Variants in TBXAS1 observed in about 807,000 individuals in gnomAD.
TBXAS1 encodes the protein thromboxane A synthase 1.
TBXAS1 carries 48 observed loss-of-function variants against 60.7 expected under a neutral mutation model. The observed-to-expected ratio is 0.79, with a 90% CI of 0.63 to 1.01. The LOEUF is 1.01. TBXAS1 is among the 50% of genes least tolerant of loss of function. The pLI, the probability that TBXAS1 is intolerant of heterozygous loss-of-function variation, is 0.00. For synonymous variants in TBXAS1, 287 were observed against 269.7 expected (o/e 1.06, Z -0.63); for missense variants, 685 against 686.3 (o/e 1.00, Z 0.02).
At chr7:139,961,546 T>C (rs1050416882) in intron 8 of TBXAS1, among the ~76,000 whole-genome samples, 3 of 152,202 alleles carry the variant, frequency 2.0e-5, no homozygotes, top group Non-Finnish European at 2.9e-5. Context: ...TGATGATATA[T>C]TTAGTACATT....
intron 5 of TBXAS1, among the ~76,000 whole-genome samples, 184 bp downstream of exon 5, chr7:139,936,491 G>A (rs535186280): frequency 2.6e-4 from 40 of 152,246 alleles, no homozygotes; most frequent in South Asian, 8.3e-4. Flanking sequence ...AGCGTCTTTC[G>A]TCTCTCCAGC....
intron 9 of TBXAS1, among the ~76,000 whole-genome samples, chr7:139,969,457 CAAAAAAAAAAAAA>C (rs71170928): frequency 4.0e-5 from 4 of 101,038 alleles, no homozygotes; most frequent in East Asian, 2.8e-4. Context: ...TATGTGCTTA[CAAAAAAAAAAAAA>C]AAAAAAAAAA....
At chr7:139,861,540 C>T (rs1377624150) in intron 1 of TBXAS1, among the ~76,000 whole-genome samples, 1 of 151,846 alleles carries the variant, frequency 6.6e-6, no homozygotes, top group African/African-American at 2.4e-5. Flanking sequence ...CAGGAGCGAG[C>T]CACTGTGCCT....
chr7:139,778,443 C>T lies in TBXAS1; in HGVS notation c.-346C>T, dbSNP rs1292311398. 1 of 153,184 alleles carries T rather than the reference C, an allele frequency of 6.5e-6. No individual in the cohort carries two copies. Among genetic ancestry groups the T allele is most frequent in the Non-Finnish European group, 1.5e-5 (1 of 68,232 alleles). 9.5% of individuals were successfully genotyped at this position (153,184 alleles called of 1,614,324 possible). ...CCCCACGCTGGCAAAGTGGCTCGCCCATCTCACAGCCGGTTGGCGCTCGCG... is the reference window on the plus strand; with the variant it reads ...CCCCACGCTGGCAAAGTGGCTCGCCTATCTCACAGCCGGTTGGCGCTCGCG... On this transcript the variant is annotated 5_prime_UTR_variant, in exon 1 of 17. Coordinates refer to the TBXAS1 transcript ENST00000336425. The surrounding 1 kb of genome is among the most constrained non-coding windows in gnomAD (Gnocchi z 4.8).
chr7:139,783,422 G>A (rs1173893492), intron 3 of TBXAS1, among the ~76,000 whole-genome samples: 1 of 152,034 alleles, frequency 6.6e-6, no homozygotes, highest in Non-Finnish European at 1.5e-5. Flanking sequence ...AAGGTAGGGC[G>A]ATTTTGTTGG....
chr7:139,878,718 A>C (rs1347596627), intron 3 of TBXAS1, among the ~76,000 whole-genome samples: 2 of 152,270 alleles, frequency 1.3e-5, no homozygotes, highest in Admixed American at 1.3e-4. Context: ...CTCAATGAAC[A>C]GCAAAGACCC....
At chr7:139,898,308 A>T (rs1804266982) in intron 3 of TBXAS1, among the ~76,000 whole-genome samples, 2 of 151,780 alleles carry the variant, frequency 1.3e-5, no homozygotes, top group Admixed American at 1.3e-4. Context: ...TAAAACTGTC[A>T]CGGAGACAAG....
At chr7:139,965,724 G>C (rs986679132) in intron 9 of TBXAS1, among the ~76,000 whole-genome samples, 1 of 152,082 alleles carries the variant, frequency 6.6e-6, no homozygotes, top group Non-Finnish European at 1.5e-5. Flanking sequence ...GGTTGTGGGG[G>C]GGAGTCTCTG....
intron 3 of TBXAS1, among the ~76,000 whole-genome samples, chr7:139,876,741 C>T (rs1584743940): frequency 6.6e-6 from 1 of 152,170 alleles, no homozygotes; most frequent in African/African-American, 2.4e-5. Context: ...TGTTAAGATG[C>T]TCTCTGTATT....
intron 9 of TBXAS1, among the ~76,000 whole-genome samples, chr7:139,979,590 G>A (rs574861279): frequency 2.0e-5 from 3 of 152,072 alleles, no homozygotes; most frequent in Non-Finnish European, 2.9e-5. Flanking sequence ...GCCAGGCTTG[G>A]TGGCGTGAGC....
chr7:139,789,200 T>A (rs184973907), intron 4 of TBXAS1: 1 of 150,752 alleles, frequency 6.6e-6, no homozygotes, highest in Non-Finnish European at 1.5e-5. Flanking sequence ...GCTTATACAT[T>A]TAATATGTTT....
intron 5 of TBXAS1, among the ~76,000 whole-genome samples, chr7:139,939,979 G>A (rs777367988): frequency 9.2e-5 from 14 of 152,230 alleles, no homozygotes; most frequent in Non-Finnish European, 2.1e-4. Flanking sequence ...CGTGTTCCCT[G>A]TAATTTTCCC....
intron 5 of TBXAS1, among the ~76,000 whole-genome samples, chr7:139,950,650 T>A (rs371342981): frequency 3.9e-4 from 59 of 151,910 alleles, no homozygotes; most frequent in African/African-American, 1.2e-3. Context: ...AGCTTTGATC[T>A]ACAGGACTCC....
At chr7:139,794,682 A>G (rs1797499779) in intron 4 of TBXAS1, among the ~76,000 whole-genome samples, 1 of 100,304 alleles carries the variant, frequency 1.0e-5, no homozygotes, top group African/African-American at 4.0e-5. Context: ...ACCCCACAAC[A>G]GTCCCCAGAG....
At position 139,942,282 on chromosome 7, in the gene TBXAS1, G is replaced by A. The variant is rs777691349; in HGVS notation, c.450+5975G>A. 4.6e-5 allele frequency among the ~76,000 whole-genome samples: 7 copies of A among 152,196 alleles called. No homozygotes were observed. The South Asian group carries it at 6.2e-4, about 14-fold the overall frequency. On this transcript the variant is annotated intron_variant, in intron 5 of 12. Coordinates refer to ENST00000448866, the MANE Select transcript of TBXAS1 (RefSeq NM_001061.7). ...ATTCTTCAAGATTCACCATGTACCT[G>A]AGCATATGAAAGGCTTGAGAAAGGC...
chr7:139,995,994 C>T (rs573294925), intron 9 of TBXAS1, among the ~76,000 whole-genome samples: 27 of 152,072 alleles, frequency 1.8e-4, no homozygotes, highest in East Asian at 3.9e-4. Context: ...AATATAATGG[C>T]GCGTCTTCTT....
intron 9 of TBXAS1, among the ~76,000 whole-genome samples, chr7:139,996,249 G>A (rs1414118508): frequency 1.3e-5 from 2 of 151,894 alleles, no homozygotes; most frequent in Admixed American, 1.3e-4. Context: ...TTACAGGCGT[G>A]AGCCACCGTG....
At chr7:139,954,748 C>A (rs1474755689) in intron 6 of TBXAS1, among the ~76,000 whole-genome samples, 1 of 152,128 alleles carries the variant, frequency 6.6e-6, no homozygotes, top group Non-Finnish European at 1.5e-5. Flanking sequence ...TTTCCTATAG[C>A]CTAAGAGGTT....
At chr7:139,951,006 A>C (rs1809213058) in intron 5 of TBXAS1, among the ~76,000 whole-genome samples, 1 of 152,110 alleles carries the variant, frequency 6.6e-6, no homozygotes, top group African/African-American at 2.4e-5. Flanking sequence ...GGTCCTATAA[A>C]ATTTCATGTC....
Sources: gnomAD v4.1 joint callset for allele counts (sites outside exome capture counted in the v4.1 genomes callset) on GRCh38, gnomAD v4.1.1 for gene constraint, Gnocchi (gnomAD v3.1) non-coding constraint, MANE v1.5 for transcripts, NCBI Gene and HGNC (gene_info 2026-07-23, HGNC 2026-07-21) for gene names.